The following ABCG2 variants were observed in gnomAD, a reference collection of about 807,000 sequenced individuals.
ABCG2 encodes the protein broad substrate specificity ATP-binding cassette transporter ABCG2.
Under a neutral mutation model 73.5 loss-of-function variants are expected in ABCG2, and 80 were observed. The observed-to-expected ratio is 1.09, with a 90% CI of 0.91 to 1.31. ABCG2 has a LOEUF of 1.31. Among genes scored for constraint, ABCG2 ranks in the 50% most tolerant of loss-of-function variants. The pLI is 0.00. For missense variants in ABCG2, 796 were observed against 786.2 expected (o/e 1.01, Z -0.15); for synonymous variants, 269 against 282.4 (o/e 0.95, Z 0.48).
chr4:88,123,291 C>A (rs1724142439), intron 5 of ABCG2, among the ~76,000 whole-genome samples: 1 of 152,084 alleles, frequency 6.6e-6, no homozygotes, highest in African/African-American at 2.4e-5. Flanking sequence ...AGCAAGGGAA[C>A]AAAACTGGAT....
At chr4:88,175,782 C>T (rs1421668025) in intron 1 of ABCG2, among the ~76,000 whole-genome samples, 2 of 152,194 alleles carry the variant, frequency 1.3e-5, no homozygotes, top group African/African-American at 2.4e-5. Flanking sequence ...TTTTCATTTC[C>T]TGCCTCAGAT....
rs190362375 is a variant in ABCG2 at position 88,135,819 on chromosome 4, G to A, written c.204-3184C>T. On this transcript the variant is annotated intron_variant, in intron 2 of 15. Coordinates refer to ENST00000237612, the MANE Select transcript of ABCG2 (RefSeq NM_004827.3). ...AAAATGTTTTCACCTTTTAAAAAAC[G>A]TTGAGAAGAGATAGCTGGAGGGTGG... Among the ~76,000 whole-genome samples the A allele has an allele frequency of 2.0e-3, 309 of 152,262 alleles. 1 individual carries two copies. Among genetic ancestry groups the A allele is most frequent in the African/African-American group, 7.1e-3 (296 of 41,556 alleles).
At chr4:88,229,158 C>T (rs905298691) in intron 1 of ABCG2, among the ~76,000 whole-genome samples, 1 of 152,224 alleles carries the variant, frequency 6.6e-6, no homozygotes, top group African/African-American at 2.4e-5. Flanking sequence ...TGAGCCATAA[C>T]ACTTGCTGCG....
intron 1 of ABCG2, among the ~76,000 whole-genome samples, chr4:88,194,268 C>A (rs1728837094): frequency 6.6e-6 from 1 of 151,792 alleles, no homozygotes. Context: ...AGTGTGGGTG[C>A]GGCCGGGCAC....
intron 1 of ABCG2, among the ~76,000 whole-genome samples, chr4:88,168,704 T>C (rs561850958): frequency 6.6e-6 from 1 of 152,220 alleles, no homozygotes; most frequent in Non-Finnish European, 1.5e-5. Flanking sequence ...TAAAAGTCTT[T>C]TGTTTAACTA....
At position 88,140,000 on chromosome 4, in the gene ABCG2, A is replaced by G. The variant is rs377081533; in HGVS notation, c.-5T>C. On this transcript the variant is annotated 5_prime_UTR_variant, in exon 2 of 16. Transcript: ENST00000237612. Reference sequence around the variant, plus strand: ...TTCGACATTACTGGAAGACATCTGGAGAGTTTTTATCTTTCTGCAGACAGA... The same window carrying G: ...TTCGACATTACTGGAAGACATCTGGGGAGTTTTTATCTTTCTGCAGACAGA... 1 of 1,613,326 alleles carries G rather than the reference A, an allele frequency of 6.2e-7. No homozygotes were observed. The highest frequency in any genetic ancestry group is 1.3e-5 in the African/African-American group (1 of 74,926).
At chr4:88,129,580 T>C (rs1004656294) in intron 5 of ABCG2, among the ~76,000 whole-genome samples, 37 of 152,124 alleles carry the variant, frequency 2.4e-4, no homozygotes, top group Admixed American at 2.0e-3. Context: ...CAATCACTCA[T>C]AAAGCGGAAA....
chr4:88,167,392 G>C (rs1225618966), intron 1 of ABCG2, among the ~76,000 whole-genome samples: 2 of 20,338 alleles, frequency 9.8e-5, no homozygotes, highest in Non-Finnish European at 2.0e-4. Flanking sequence ...TTTTTTTTTT[G>C]AGATGGAGTC....
rs535944990 is a variant in ABCG2 at position 88,127,450 on chromosome 4, A to G, written c.531+3611T>C. Among the ~76,000 whole-genome samples, 7 of 152,324 alleles carry G rather than the reference A, an allele frequency of 4.6e-5. No homozygotes were observed. The South Asian group carries it at 1.4e-3, about 32-fold the overall frequency. On this transcript the variant is annotated intron_variant, in intron 5 of 15. Coordinates refer to ENST00000237612, the MANE Select transcript of ABCG2 (RefSeq NM_004827.3). ...AAATTTCATATGGAACCCAAAAAAA[A>G]GCCTGTATAGCCAAGACAATCCTAT...
intron 1 of ABCG2, among the ~76,000 whole-genome samples, chr4:88,199,436 A>C (rs1729065664): frequency 6.6e-6 from 1 of 152,334 alleles, no homozygotes; most frequent in South Asian, 2.1e-4. Context: ...ATAAAGAAAA[A>C]ATCTTCAATG....
At chr4:88,118,318 G>A in intron 6 of ABCG2, 58 bp from the exon 7 acceptor site, 2 of 1,559,026 alleles carry the variant, frequency 1.3e-6, no homozygotes, top group Non-Finnish European at 8.8e-7. Flanking sequence ...GTATTTCTCA[G>A]TAAAATACTC....
intron 2 of ABCG2, among the ~76,000 whole-genome samples, chr4:88,138,581 G>A (rs942226520): frequency 6.6e-6 from 1 of 152,192 alleles, no homozygotes; most frequent in Non-Finnish European, 1.5e-5. Flanking sequence ...ATAAATGACA[G>A]CAGCCCTTCC....
At chr4:88,184,422 TA>T (rs1728372912) in intron 1 of ABCG2, among the ~76,000 whole-genome samples, 2 of 151,916 alleles carry the variant, frequency 1.3e-5, no homozygotes, top group African/African-American at 4.8e-5. Flanking sequence ...GCAAACAATC[TA>T]AAAAATCAAG....
At chr4:88,158,900 A>T (rs1727148653), upstream of ABCG2, 1 of 342,626 alleles carries the variant, frequency 2.9e-6, no homozygotes, top group Non-Finnish European at 5.6e-6. Flanking sequence ...GGACCGCCAG[A>T]GCTGAACGCA....
At chr4:88,128,376 G>C (rs1028965057) in intron 5 of ABCG2, among the ~76,000 whole-genome samples, 2 of 152,110 alleles carry the variant, frequency 1.3e-5, no homozygotes, top group Non-Finnish European at 2.9e-5. Flanking sequence ...ATTCCTCAAG[G>C]ATCTAGAACC....
chr4:88,213,465 C>G (rs1163088579), intron 1 of ABCG2, among the ~76,000 whole-genome samples: 1 of 152,132 alleles, frequency 6.6e-6, no homozygotes, highest in Non-Finnish European at 1.5e-5. Context: ...GCTGCCTTCT[C>G]TCCTATTACC....
At chr4:88,202,232 G>A (rs543579412) in intron 1 of ABCG2, among the ~76,000 whole-genome samples, 28 of 150,882 alleles carry the variant, frequency 1.9e-4, no homozygotes, top group Non-Finnish European at 3.1e-4. Flanking sequence ...GAGTCTAGGC[G>A]TTATGTGATG....
chr4:88,215,622 C>G (rs903944938), intron 1 of ABCG2, among the ~76,000 whole-genome samples: 3 of 152,122 alleles, frequency 2.0e-5, no homozygotes, highest in Admixed American at 1.3e-4. Flanking sequence ...ATAATGGGGT[C>G]CTGGCATGTC....
intron 12 of ABCG2, 97 bp downstream of exon 12, chr4:88,099,227 T>C (rs113496157): frequency 1.6e-6 from 2 of 1,220,460 alleles, no homozygotes. Flanking sequence ...GTTTGGTTTA[T>C]AGTTTTGAGA....
Sources: allele counts gnomAD v4.1 joint callset (sites outside exome capture counted in the v4.1 genomes callset), GRCh38; gene constraint gnomAD v4.1.1; transcripts MANE v1.5; gene names NCBI Gene and HGNC (gene_info 2026-07-23, HGNC 2026-07-21).